The following FGFR2 variants were observed in gnomAD, a reference collection of about 807,000 sequenced individuals.
FGFR2 encodes BEK fibroblast growth factor receptor.
A neutral mutation model predicts 95.9 loss-of-function variants in FGFR2; 19 were observed. That is an observed-to-expected ratio of 0.20 (90% CI 0.14 to 0.29). The LOEUF (loss-of-function observed/expected upper bound fraction) is 0.29, where lower values mean the gene tolerates loss of function less well. Ranked by LOEUF, FGFR2 falls within the 10% of genes least tolerant of loss-of-function variation. FGFR2 has a pLI of 1.00. For synonymous variants in FGFR2, 392 were observed against 393.3 expected, an observed-to-expected ratio of 1.00 and a Z score of 0.04; for missense variants, 707 against 1,056.9, an observed-to-expected ratio of 0.67 and a Z score of 4.59.
In FGFR2 at chr10:121,478,936, C is replaced by T. The variant is rs185617859; in HGVS notation, c.*921G>A. The T allele has an allele frequency of 2.6e-4, 61 of 233,386 alleles. No individual in the cohort carries two copies. Among genetic ancestry groups the T allele is most frequent in the Non-Finnish European group, 4.2e-4 (50 of 117,888 alleles). The allele number at this position is 233,386 out of a possible 1,614,324, so 14.5% of individuals were successfully genotyped here. On this transcript the variant is annotated 3_prime_UTR_variant, in exon 18 of 18. Transcript: ENST00000358487. The stretch of plus-strand genomic sequence containing the variant: ...TCTTGGGAAGTCCAGTTAGACGTTG[C>T]GTTGACGTAATGACAGGGTTGCACA...
chr10:121,529,839 T>A (rs1000869274), intron 6 of FGFR2, among the ~76,000 whole-genome samples: 3 of 152,138 alleles, frequency 2.0e-5, no homozygotes, highest in African/African-American at 7.2e-5. Flanking sequence ...CTCGACCACA[T>A]AAAGGCTGCG....
At chr10:121,496,966 A>G (rs762926929) in intron 12 of FGFR2, among the ~76,000 whole-genome samples, 1 of 151,762 alleles carries the variant, frequency 6.6e-6, no homozygotes, top group African/African-American at 2.4e-5. Flanking sequence ...CCTCGTCTCT[A>G]CTAAAAATAC....
chr10:121,547,168 G>A (rs57862714), intron 5 of FGFR2, among the ~76,000 whole-genome samples: 11,650 of 152,150 alleles, frequency 0.077, 1,146 homozygotes, highest in African/African-American at 0.23. Flanking sequence ...AGGTTACAGT[G>A]TGCTGAGATC....
Position 121,480,007 on chromosome 10 carries a change from G to C in FGFR2, c.2316C>G (p.Leu772=), listed in dbSNP as rs1299249877. The change falls in exon 18 of 18, where the codon CTC becomes CTG. Residue 772 remains leucine (L), a synonymous_variant. Transcript: ENST00000358487. The part of the protein sequence containing the change: ...TLTTNEEYLD[L]SQPLEQYSPS... ...GTGAATACTGTTCGAGAGGTTGGCT[G>C]AGGTCCAAGTATTCCTGAAAGAAGG... The C allele has an allele frequency of 6.2e-7, 1 of 1,614,046 alleles. No individual in the cohort carries two copies. The highest frequency in any genetic ancestry group is 2.2e-5 in the East Asian group (1 of 44,896).
chr10:121,536,952 C>T (rs561451973), intron 6 of FGFR2, among the ~76,000 whole-genome samples: 13 of 152,338 alleles, frequency 8.5e-5, no homozygotes, highest in African/African-American at 3.1e-4. Context: ...TTTTACGTCA[C>T]ATTCGGTACA....
At chr10:121,587,641 A>G (rs1358318254) in intron 2 of FGFR2, among the ~76,000 whole-genome samples, 1 of 152,208 alleles carries the variant, frequency 6.6e-6, no homozygotes, top group Non-Finnish European at 1.5e-5. Context: ...CCACCAGCAT[A>G]TGAAAAAAAA....
At chr10:121,588,274 C>T (rs767474781) in intron 2 of FGFR2, among the ~76,000 whole-genome samples, 1 of 151,922 alleles carries the variant, frequency 6.6e-6, no homozygotes, top group Admixed American at 6.6e-5. Context: ...GAGAGAGGAG[C>T]AGAAAAAATA....
At chr10:121,577,158 A>AAAAAAAATAT (rs1554858932) in intron 2 of FGFR2, among the ~76,000 whole-genome samples, 1 of 13,962 alleles carries the variant, frequency 7.2e-5, no homozygotes, top group African/African-American at 2.7e-4. Flanking sequence ...AAAAAAAAAA[A>AAAAAAAATAT]ATATATATAT....
intron 15 of FGFR2, 88 bp downstream of exon 15, chr10:121,487,266 G>C: frequency 9.9e-7 from 1 of 1,008,956 alleles, no homozygotes; most frequent in South Asian, 1.3e-5. Context: ...AAATGCAGCA[G>C]CCACTAAAGA....
intron 2 of FGFR2, among the ~76,000 whole-genome samples, chr10:121,577,848 T>G (rs1223345994): frequency 3.3e-5 from 5 of 151,930 alleles, no homozygotes; most frequent in Non-Finnish European, 5.9e-5. Context: ...AACAAGCAAG[T>G]GACCTTCAAC....
chr10:121,568,731 T>C (rs1280552439), intron 2 of FGFR2, among the ~76,000 whole-genome samples: 13 of 152,248 alleles, frequency 8.5e-5, no homozygotes, highest in African/African-American at 1.9e-4. Context: ...TGTTTTTAAA[T>C]GAAAGTGTTT....
chr10:121,537,342 G>A (rs984673801), intron 6 of FGFR2, among the ~76,000 whole-genome samples: 1 of 152,222 alleles, frequency 6.6e-6, no homozygotes, highest in African/African-American at 2.4e-5. Flanking sequence ...GTGTCTCGTA[G>A]ATCCAATTCC....
At position 121,515,275 on chromosome 10, in the gene FGFR2, C is replaced by T. The variant is rs2134229346; in HGVS notation, c.1129G>A (p.Glu377Lys). The T allele has an allele frequency of 6.2e-7, 1 of 1,614,120 alleles. No homozygotes were observed. Among genetic ancestry groups the T allele is most frequent in the South Asian group, 1.1e-5 (1 of 91,074 alleles). Residue 377 changes from glutamate (E) to lysine (K), a missense_variant, in exon 9 of 18, where the codon GAG becomes AAG. Physicochemically the swap from Glu to Lys is moderately conservative, Grantham distance 56. Transcript: ENST00000358487. ...KEITASPDYLEIAIYCIGVFL... is the reference protein window; with the variant it reads ...KEITASPDYLKIAIYCIGVFL... Reference sequence around the variant, plus strand: ...ACCCCTATGCAGTAAATGGCTATCTCCAGGTAGTCTGGGGAAGCTGTAATC... The same window carrying T: ...ACCCCTATGCAGTAAATGGCTATCTTCAGGTAGTCTGGGGAAGCTGTAATC...
In FGFR2 at chr10:121,482,076, A is replaced by T. The variant is rs552241447; in HGVS notation, c.2301+1622T>A. 166 of 1,024,464 alleles carry T rather than the reference A, an allele frequency of 1.6e-4. 1 individual carries two copies. The African/African-American group carries it at 2.2e-3, about 13-fold the overall frequency. 63.5% of individuals were successfully genotyped at this position (1,024,464 alleles called of 1,614,324 possible). On this transcript the variant is annotated intron_variant, in intron 17 of 17. Transcript: ENST00000358487. Reference sequence around the variant, plus strand: ...CTGGTCTGGAACTCCTGACCTCATGATCCGCCTGCCTCGGCCTCCCAAAGT... The same window carrying T: ...CTGGTCTGGAACTCCTGACCTCATGTTCCGCCTGCCTCGGCCTCCCAAAGT...
At position 121,551,540 on chromosome 10, in the gene FGFR2, T is replaced by A. The variant is rs76614143; in HGVS notation, c.455-81A>T. On this transcript the variant is annotated intron_variant, in intron 4 of 17. Coordinates refer to ENST00000358487, the MANE Select transcript of FGFR2 (RefSeq NM_000141.5). Reference sequence around the variant, plus strand: ...GTAAACTCCAAACAGGTAAGATCATTTCGCTTTGCATGTAAATGCTAGGCT... The same window carrying A: ...GTAAACTCCAAACAGGTAAGATCATATCGCTTTGCATGTAAATGCTAGGCT... 768 of 1,315,890 alleles carry A rather than the reference T, an allele frequency of 5.8e-4. 6 individuals carry two copies. In the East Asian group the frequency reaches 0.018, roughly 30 times the overall value. 81.5% of individuals were successfully genotyped at this position (1,315,890 alleles called of 1,614,324 possible).
intron 2 of FGFR2, among the ~76,000 whole-genome samples, chr10:121,576,736 C>A (rs1859824325): frequency 6.6e-6 from 1 of 152,270 alleles, no homozygotes; most frequent in Admixed American, 6.5e-5. Flanking sequence ...CCTGTCTCAA[C>A]AGACAGCTAT....
At chr10:121,569,211 TTTCTTTTC>T (rs1858186449) in intron 2 of FGFR2, among the ~76,000 whole-genome samples, 1 of 148,454 alleles carries the variant, frequency 6.7e-6, no homozygotes, top group Non-Finnish European at 1.5e-5. Flanking sequence ...TTTCTTTTCT[TTTCTTTTC>T]TTTTCTTTTT....
chr10:121,550,479 T>A (rs1254235671), intron 5 of FGFR2, among the ~76,000 whole-genome samples: 1 of 152,050 alleles, frequency 6.6e-6, no homozygotes, highest in South Asian at 2.1e-4. Context: ...CCCTAGGGAG[T>A]GATGAGACTA....
chr10:121,585,705 A>G (rs1044939157), intron 2 of FGFR2, among the ~76,000 whole-genome samples: 12 of 152,258 alleles, frequency 7.9e-5, no homozygotes, highest in African/African-American at 2.4e-4. Context: ...ATTCAATTCT[A>G]TTTTTAAGAA....
Sources: allele counts gnomAD v4.1 joint callset (sites outside exome capture counted in the v4.1 genomes callset), GRCh38; gene constraint gnomAD v4.1.1; transcripts MANE v1.5; gene names NCBI Gene and HGNC (gene_info 2026-07-23, HGNC 2026-07-21).